CLSTN2: variants seen among roughly 807,000 people sequenced by gnomAD.
The protein encoded by CLSTN2 is calsyntenin-2.
CLSTN2 carries 48 observed loss-of-function variants against 101.2 expected under a neutral mutation model. The observed-to-expected ratio is 0.47, with a 90% CI of 0.38 to 0.60. CLSTN2 has a LOEUF of 0.60. Among genes scored for constraint, CLSTN2 ranks in the 20% least tolerant of loss-of-function variants. The pLI is 0.00. For synonymous variants in CLSTN2, 481 were observed against 463.6 expected (o/e 1.04, Z -0.48); for missense variants, 1,160 against 1,238.2 (o/e 0.94, Z 0.95).
intron 1 of CLSTN2, among the ~76,000 whole-genome samples, chr3:140,052,533 T>C (rs545798319): frequency 2.0e-5 from 3 of 152,302 alleles, no homozygotes; most frequent in Admixed American, 2.0e-4. Flanking sequence ...CATAGGCCTC[T>C]GTTTAGCAGC....
intron 1 of CLSTN2, among the ~76,000 whole-genome samples, chr3:140,121,379 A>G (rs1331767513): frequency 1.3e-5 from 2 of 152,120 alleles, no homozygotes; most frequent in South Asian, 2.1e-4. Flanking sequence ...AGCAAGAGAC[A>G]AGGGAGTTTT....
intron 2 of CLSTN2, among the ~76,000 whole-genome samples, chr3:140,201,176 G>A (rs2010713657): frequency 6.6e-6 from 1 of 152,228 alleles, no homozygotes; most frequent in Non-Finnish European, 1.5e-5. Flanking sequence ...AGAGAGCACT[G>A]TGTTGTTTAG....
chr3:140,072,364 C>T (rs2008412078), intron 1 of CLSTN2, among the ~76,000 whole-genome samples: 2 of 152,138 alleles, frequency 1.3e-5, no homozygotes, highest in African/African-American at 4.8e-5. Flanking sequence ...ATATGTGCAA[C>T]TATTAAACTA....
At chr3:140,049,447 T>C (rs1324627766) in intron 1 of CLSTN2, among the ~76,000 whole-genome samples, 1 of 152,230 alleles carries the variant, frequency 6.6e-6, no homozygotes, top group Non-Finnish European at 1.5e-5. Flanking sequence ...GAACCAGCCA[T>C]TTATTAAATG....
At chr3:140,227,806 C>T (rs1012457558) in intron 2 of CLSTN2, among the ~76,000 whole-genome samples, 11 of 152,192 alleles carry the variant, frequency 7.2e-5, no homozygotes, top group African/African-American at 2.4e-4. Context: ...AGGCTTGGGG[C>T]TTCCACCCTC....
chr3:140,425,025 A>G (rs967739429), intron 5 of CLSTN2, among the ~76,000 whole-genome samples: 8 of 152,192 alleles, frequency 5.3e-5, no homozygotes, highest in African/African-American at 1.7e-4. Flanking sequence ...GCCTCTCCCA[A>G]ACTGACTCCT....
intron 1 of CLSTN2, among the ~76,000 whole-genome samples, chr3:140,143,726 C>A (rs987189087): frequency 6.6e-6 from 1 of 152,182 alleles, no homozygotes; most frequent in Non-Finnish European, 1.5e-5. Flanking sequence ...TGTGTAGGAA[C>A]TTAGGATGCT....
chr3:140,067,208 A>G (rs1302303798), intron 1 of CLSTN2, among the ~76,000 whole-genome samples: 1 of 152,186 alleles, frequency 6.6e-6, no homozygotes, highest in Non-Finnish European at 1.5e-5. Flanking sequence ...GAAGATCATG[A>G]GTGTAGAGCT....
intron 1 of CLSTN2, among the ~76,000 whole-genome samples, chr3:140,110,739 C>T (rs1469087108): frequency 6.6e-6 from 1 of 152,182 alleles, no homozygotes; most frequent in Non-Finnish European, 1.5e-5. Flanking sequence ...TAACTCAGCC[C>T]TGGCTTCTCT....
chr3:140,557,659 A>ATCCTCT (rs1249000976), intron 11 of CLSTN2, among the ~76,000 whole-genome samples: 1 of 152,212 alleles, frequency 6.6e-6, no homozygotes, highest in African/African-American at 2.4e-5. Flanking sequence ...AGGATGGAGT[A>ATCCTCT]GCTCAGCATG....
intron 2 of CLSTN2, among the ~76,000 whole-genome samples, chr3:140,296,297 G>GA (rs2087002401): frequency 6.6e-6 from 1 of 152,178 alleles, no homozygotes; most frequent in Non-Finnish European, 1.5e-5. Context: ...AGTTAATTGA[G>GA]ATGTGCTATG....
intron 2 of CLSTN2, among the ~76,000 whole-genome samples, chr3:140,353,456 T>C (rs1234573595): frequency 1.3e-5 from 2 of 152,128 alleles, no homozygotes; most frequent in Non-Finnish European, 2.9e-5. Flanking sequence ...TTGACATTTT[T>C]CTGCCTGTTT....
chr3:140,250,147 A>G (rs188172205), intron 2 of CLSTN2, among the ~76,000 whole-genome samples: 2 of 152,342 alleles, frequency 1.3e-5, no homozygotes, highest in East Asian at 3.9e-4. Flanking sequence ...ATGTACTAGG[A>G]AGATAGACAT....
chr3:140,283,853 C>T (rs2086871153), intron 2 of CLSTN2, among the ~76,000 whole-genome samples: 1 of 152,162 alleles, frequency 6.6e-6, no homozygotes. Context: ...AAGCTTGGGG[C>T]CAGGAACTGG....
chr3:140,379,474 A>T (rs1327477860), intron 2 of CLSTN2, among the ~76,000 whole-genome samples: 2 of 152,178 alleles, frequency 1.3e-5, no homozygotes, highest in African/African-American at 4.8e-5. Flanking sequence ...AGGGTCTTCG[A>T]CCACTATGGT....
At chr3:140,280,572 A>G (rs1468107925) in intron 2 of CLSTN2, among the ~76,000 whole-genome samples, 2 of 152,324 alleles carry the variant, frequency 1.3e-5, no homozygotes, top group Non-Finnish European at 2.9e-5. Flanking sequence ...ATAAAGAATG[A>G]TAAGGACATT....
intron 2 of CLSTN2, among the ~76,000 whole-genome samples, chr3:140,327,027 G>C (rs1026772): frequency 0.047 from 7,169 of 152,088 alleles, 550 homozygotes; most frequent in African/African-American, 0.16. Flanking sequence ...AAAATAAAAC[G>C]TCATTAAAGC....
chr3:140,450,154 G>A (rs537245083), intron 6 of CLSTN2: 6 of 152,280 alleles, frequency 3.9e-5, no homozygotes, highest in African/African-American at 9.6e-5. Flanking sequence ...TCACCATGAG[G>A]AGGTCACCCA....
At chr3:140,265,816 G>A (rs1014985748) in intron 2 of CLSTN2, among the ~76,000 whole-genome samples, 2 of 152,102 alleles carry the variant, frequency 1.3e-5, no homozygotes, top group South Asian at 2.1e-4. Context: ...CAGGGCTGGC[G>A]GCCTAGAAAA....
Sources: allele counts gnomAD v4.1 joint callset (sites outside exome capture counted in the v4.1 genomes callset), GRCh38; gene constraint gnomAD v4.1.1; transcripts MANE v1.5; gene names NCBI Gene and HGNC (gene_info 2026-07-23, HGNC 2026-07-21).